The following NCKAP5 variants were observed in gnomAD, a reference collection of about 807,000 sequenced individuals.
NCKAP5 encodes the protein nck-associated protein 5.
A neutral mutation model predicts 167.0 loss-of-function variants in NCKAP5; 92 were observed. That is an observed-to-expected ratio of 0.55 (90% confidence interval 0.47 to 0.66). The LOEUF is 0.66. Ranked by LOEUF, NCKAP5 falls within the 30% of genes least tolerant of loss-of-function variation. The probability of loss-of-function intolerance (pLI) is 0.00; values close to 1 mark genes in which losing one functional copy is unlikely to be tolerated. For synonymous variants in NCKAP5, 891 were observed against 877.4 expected (o/e 1.02, Z -0.27); for missense variants, 2,378 against 2,315.0 (o/e 1.03, Z -0.56).
intron 8 of NCKAP5, among the ~76,000 whole-genome samples, chr2:132,900,500 ACATATT>A (rs1349276398): frequency 1.3e-5 from 2 of 152,202 alleles, no homozygotes. Flanking sequence ...GAATTATTGT[ACATATT>A]CATATATACA....
chr2:132,977,042 A>G (rs2076997005), intron 7 of NCKAP5, among the ~76,000 whole-genome samples: 1 of 152,218 alleles, frequency 6.6e-6, no homozygotes. Context: ...GCTCCTATGG[A>G]GAAGGGAACT....
At chr2:132,959,233 G>A (rs1409049350) in intron 8 of NCKAP5, among the ~76,000 whole-genome samples, 1 of 151,966 alleles carries the variant, frequency 6.6e-6, no homozygotes, top group Non-Finnish European at 1.5e-5. Context: ...GCACAGCACT[G>A]TAATTGTCAT....
At chr2:132,972,788 A>G (rs2076873254) in intron 7 of NCKAP5, among the ~76,000 whole-genome samples, 1 of 151,802 alleles carries the variant, frequency 6.6e-6, no homozygotes, top group African/African-American at 2.4e-5. Context: ...ACTTGGACCC[A>G]GGAAGCAGAG....
intron 4 of NCKAP5, among the ~76,000 whole-genome samples, chr2:133,214,129 T>C (rs2086328941): frequency 6.6e-6 from 1 of 152,214 alleles, no homozygotes; most frequent in South Asian, 2.1e-4. Context: ...TTTTTAATTA[T>C]TTTTATTTCT....
chr2:133,005,444 T>C (rs528848730), intron 6 of NCKAP5, among the ~76,000 whole-genome samples: 1 of 152,342 alleles, frequency 6.6e-6, no homozygotes, highest in South Asian at 2.1e-4. Context: ...CAATAGTTAA[T>C]ATCATTTCCC....
chr2:133,376,900 G>C (rs1686182760), intron 3 of NCKAP5, among the ~76,000 whole-genome samples: 1 of 152,092 alleles, frequency 6.6e-6, no homozygotes. Flanking sequence ...TAGGAAACTT[G>C]GATTCCTTTT....
chr2:132,783,595 G>C lies in NCKAP5; in HGVS notation c.3216C>G (p.Thr1072=), dbSNP rs961659136. The change falls in exon 14 of 20, where the codon ACC becomes ACG. Residue 1072 remains threonine, a synonymous_variant. Coordinates refer to ENST00000409261, the MANE Select transcript of NCKAP5 (RefSeq NM_207363.3). Reference sequence around the variant, plus strand: ...AGGACGTCATTTCCAGTGGCTCATGGGTTGAAGGAGAGATCCTGGGAGTCT... The same window carrying C: ...AGGACGTCATTTCCAGTGGCTCATGCGTTGAAGGAGAGATCCTGGGAGTCT... ...GLQTPRISPS[T]HEPLEMTSSK... 1.1e-5 allele frequency: 17 copies of C among 1,613,982 alleles called. No homozygotes were observed. Among genetic ancestry groups the C allele is most frequent in the Non-Finnish European group, 1.4e-5 (16 of 1,179,886 alleles).
intron 8 of NCKAP5, among the ~76,000 whole-genome samples, chr2:132,928,452 A>C (rs778295799): frequency 8.5e-5 from 13 of 152,176 alleles, no homozygotes; most frequent in Non-Finnish European, 1.2e-4. Context: ...GAAAAACTCT[A>C]TCTCTTCTTT....
the NCKAP5 span, among the ~76,000 whole-genome samples, chr2:133,660,713 T>G: frequency 6.6e-6 from 1 of 152,278 alleles, no homozygotes; most frequent in African/African-American, 2.4e-5. Flanking sequence ...GTCAGCTCGA[T>G]GCACATGTTC....
chr2:132,975,407 C>T lies in NCKAP5; in HGVS notation c.430-11538G>A, dbSNP rs375534976. 8.5e-5 allele frequency among the ~76,000 whole-genome samples: 13 copies of T among 152,280 alleles called. No homozygotes were observed. In the South Asian group the frequency reaches 1.7e-3, roughly 19 times the overall value. On this transcript the variant is annotated intron_variant, in intron 7 of 19. Coordinates refer to ENST00000409261, the MANE Select transcript of NCKAP5 (RefSeq NM_207363.3). The stretch of plus-strand genomic sequence containing the variant: ...CACTCAAAACCCTCCTCAACATTGC[C>T]GATTGTCTTCCATATTGAACAGATC...
chr2:133,212,428 C>T (rs116703329), intron 5 of NCKAP5, among the ~76,000 whole-genome samples: 1,638 of 152,258 alleles, frequency 0.011, 36 homozygotes, highest in African/African-American at 0.036. Flanking sequence ...AGTGCAATGG[C>T]ACAATCTCGG....
chr2:133,020,797 C>A (rs1457247203), intron 6 of NCKAP5, among the ~76,000 whole-genome samples: 3 of 152,120 alleles, frequency 2.0e-5, no homozygotes, highest in African/African-American at 7.2e-5. Flanking sequence ...GACATCCTCA[C>A]AACACAAGGT....
intron 11 of NCKAP5, among the ~76,000 whole-genome samples, chr2:132,849,305 C>T (rs1216356823): frequency 6.6e-6 from 1 of 152,158 alleles, no homozygotes; most frequent in Admixed American, 6.5e-5. Context: ...ATTTCCAACT[C>T]CTGCTTATCT....
intron 19 of NCKAP5, among the ~76,000 whole-genome samples, chr2:132,701,437 GAGA>G (rs889285935): frequency 1.3e-5 from 2 of 152,104 alleles, no homozygotes; most frequent in African/African-American, 4.8e-5. Context: ...TTAAAACCCA[GAGA>G]AGATGTCTCT....
At chr2:133,160,150 C>T (rs931437010) in intron 5 of NCKAP5, among the ~76,000 whole-genome samples, 1 of 152,266 alleles carries the variant, frequency 6.6e-6, no homozygotes, top group Middle Eastern at 3.4e-3. Context: ...ATCTCACAGT[C>T]CTGGAGGCCA....
At chr2:133,312,413 T>C (rs1399729853) in intron 3 of NCKAP5, among the ~76,000 whole-genome samples, 2 of 152,034 alleles carry the variant, frequency 1.3e-5, no homozygotes, top group Admixed American at 1.3e-4. Context: ...TCTCCAGCTG[T>C]AGCTGGACAC....
rs1369282057 is a variant in NCKAP5, at chr2:132,672,109, T to G, written c.*1180A>C. ...AATTTATCCTTACATATAAACAGTC[T>G]TTGTAGAAAAAAAAGGATATTAAAA... On this transcript the variant is annotated 3_prime_UTR_variant, in exon 20 of 20. Coordinates refer to ENST00000409261, the MANE Select transcript of NCKAP5 (RefSeq NM_207363.3). The G allele has an allele frequency of 6.6e-6, 1 of 152,528 alleles. No individual in the cohort carries two copies. The highest frequency in any genetic ancestry group is 6.5e-5 in the Admixed American group (1 of 15,272). 9.4% of individuals were successfully genotyped at this position (152,528 alleles called of 1,614,324 possible).
intron 3 of NCKAP5, among the ~76,000 whole-genome samples, chr2:133,469,168 T>G (rs1692843519): frequency 6.6e-6 from 1 of 152,202 alleles, no homozygotes; most frequent in Admixed American, 6.5e-5. Context: ...CTTTCCATAT[T>G]TAGCGCTTCC....
chr2:133,360,194 A>G (rs999309446), intron 3 of NCKAP5, among the ~76,000 whole-genome samples: 2 of 152,178 alleles, frequency 1.3e-5, no homozygotes, highest in Admixed American at 6.5e-5. Context: ...TCCCAATTCA[A>G]GTAGGTAGAA....
Sources: allele counts gnomAD v4.1 joint callset (sites outside exome capture counted in the v4.1 genomes callset), GRCh38; gene constraint gnomAD v4.1.1; transcripts MANE v1.5; gene names NCBI Gene and HGNC (gene_info 2026-07-23, HGNC 2026-07-21).